STRN3: variants seen among roughly 807,000 people sequenced by gnomAD.
The protein encoded by STRN3 is striatin 3, also known as striatin-3.
In STRN3, 29 loss-of-function variants were observed where a neutral mutation model predicts 95.6. The ratio of observed to expected loss-of-function variants is 0.30; its 90% confidence interval spans 0.23 to 0.41. STRN3 has a LOEUF of 0.41. Ranked by LOEUF, STRN3 falls within the 10% of genes least tolerant of loss-of-function variation. STRN3 has a pLI of 1.00. For synonymous variants in STRN3, 331 were observed against 357.6 expected, an observed-to-expected ratio of 0.93 and a Z score of 0.84; for missense variants, 890 against 972.1, an observed-to-expected ratio of 0.92 and a Z score of 1.12.
chr14:30,955,482 A>T (rs1261888907), intron 3 of STRN3, 138 bp downstream of exon 3: 1 of 652,284 alleles, frequency 1.5e-6, no homozygotes, highest in Non-Finnish European at 2.5e-6. Context: ...TATTCATTTA[A>T]TATTTTTTCC....
chr14:30,991,181 G>A (rs1169635551), intron 1 of STRN3, among the ~76,000 whole-genome samples: 2 of 152,150 alleles, frequency 1.3e-5, no homozygotes, highest in Admixed American at 1.3e-4. Context: ...CTATTAAGAG[G>A]TCATGTGGAG....
chr14:30,929,156 A>T (rs1209163749), intron 8 of STRN3, 45 bp downstream of exon 8: 1 of 1,493,324 alleles, frequency 6.7e-7, no homozygotes, highest in Admixed American at 2.2e-5. Context: ...CTTTTTTCTC[A>T]ATTATTGGTA....
At chr14:31,000,686 T>C (rs1038674990) in intron 1 of STRN3, among the ~76,000 whole-genome samples, 1 of 152,184 alleles carries the variant, frequency 6.6e-6, no homozygotes, top group African/African-American at 2.4e-5. Flanking sequence ...CCATTCCTTA[T>C]CAATCTTCTC....
At chr14:30,895,803 C>T (rs2138926384) in intron 16 of STRN3, 55 bp from the exon 17 acceptor site, 1 of 1,450,962 alleles carries the variant, frequency 6.9e-7, no homozygotes, top group African/African-American at 1.4e-5. Flanking sequence ...TAACTCGAGA[C>T]AACAGAAACT....
intron 4 of STRN3, among the ~76,000 whole-genome samples, chr14:30,948,817 CAAG>C (rs1449338218): frequency 6.6e-6 from 1 of 152,162 alleles, no homozygotes; most frequent in East Asian, 1.9e-4. Context: ...GAATACTGTC[CAAG>C]TGATTTCTCT....
chr14:30,949,740 GC>G (rs1373594141), intron 4 of STRN3, among the ~76,000 whole-genome samples: 2 of 152,018 alleles, frequency 1.3e-5, no homozygotes, highest in Admixed American at 1.3e-4. Context: ...CCACCTGACA[GC>G]CTTCACATTT....
At chr14:30,978,976 G>A (rs911453765) in intron 1 of STRN3, among the ~76,000 whole-genome samples, 5 of 133,114 alleles carry the variant, frequency 3.8e-5, no homozygotes, top group Non-Finnish European at 6.2e-5. Flanking sequence ...AGAGGTTGAA[G>A]TGGGCCGAGA....
At chr14:30,947,627 C>G (rs1566451670) in intron 4 of STRN3, among the ~76,000 whole-genome samples, 1 of 152,052 alleles carries the variant, frequency 6.6e-6, no homozygotes, top group East Asian at 1.9e-4. Context: ...ACACAACACA[C>G]ACACATTTTT....
At chr14:30,942,633 T>C (rs1444960677) in intron 5 of STRN3, among the ~76,000 whole-genome samples, 4 of 152,198 alleles carry the variant, frequency 2.6e-5, no homozygotes, top group Non-Finnish European at 5.9e-5. Flanking sequence ...TTTTCCCAGT[T>C]ATAAGATCTA....
At chr14:30,925,312 T>C (rs1384612864) in intron 8 of STRN3, among the ~76,000 whole-genome samples, 1 of 152,086 alleles carries the variant, frequency 6.6e-6, no homozygotes, top group Non-Finnish European at 1.5e-5. Flanking sequence ...TTAGCACTTT[T>C]AACTTAGCAT....
intron 16 of STRN3, 85 bp from the exon 17 acceptor site, chr14:30,895,833 A>G: frequency 8.4e-7 from 1 of 1,194,502 alleles, no homozygotes; most frequent in East Asian, 2.5e-5. Flanking sequence ...CATCAACATA[A>G]AACAATCATT....
chr14:30,964,218 C>T (rs1446222267), intron 1 of STRN3: 1 of 152,174 alleles, frequency 6.6e-6, no homozygotes, highest in Non-Finnish European at 1.5e-5. Flanking sequence ...GAGTGAGTCT[C>T]CGTCTAAAAA....
chr14:30,972,230 C>A (rs752609132), intron 1 of STRN3, among the ~76,000 whole-genome samples: 5 of 152,204 alleles, frequency 3.3e-5, no homozygotes, highest in Admixed American at 6.5e-5. Context: ...GTTCCAATCA[C>A]TTGCTCCACC....
At chr14:30,975,878 T>C (rs908030225) in intron 1 of STRN3, among the ~76,000 whole-genome samples, 17 of 149,954 alleles carry the variant, frequency 1.1e-4, no homozygotes, top group Non-Finnish European at 2.2e-4. Flanking sequence ...GAATTAGTTG[T>C]AAATGTTTTA....
chr14:30,903,732 T>C (rs963581255), intron 15 of STRN3, among the ~76,000 whole-genome samples: 2 of 152,038 alleles, frequency 1.3e-5, no homozygotes, highest in Admixed American at 6.6e-5. Context: ...TTAATGAAAA[T>C]CAAAAGTAAA....
chr14:30,958,518 A>T (rs1880031766), intron 1 of STRN3, among the ~76,000 whole-genome samples: 1 of 152,188 alleles, frequency 6.6e-6, no homozygotes, highest in Admixed American at 6.5e-5. Flanking sequence ...TTTAAGTAAG[A>T]TTCTGACTAG....
At chr14:31,023,158 T>C (rs1007181046) in intron 1 of STRN3, among the ~76,000 whole-genome samples, 3 of 152,202 alleles carry the variant, frequency 2.0e-5, no homozygotes, top group African/African-American at 7.2e-5. Flanking sequence ...AAAGAATCAC[T>C]TGTAGAACTC....
At chr14:30,960,960 T>C (rs1316462684) in intron 1 of STRN3, among the ~76,000 whole-genome samples, 1 of 151,294 alleles carries the variant, frequency 6.6e-6, no homozygotes, top group Non-Finnish European at 1.5e-5. Context: ...TCCAGGAGGA[T>C]TACAGATCTA....
intron 8 of STRN3, among the ~76,000 whole-genome samples, chr14:30,921,889 G>A (rs1419050879): frequency 6.6e-6 from 1 of 151,942 alleles, no homozygotes; most frequent in African/African-American, 2.4e-5. Flanking sequence ...TATTATTTGT[G>A]AGACAAGGTC....
Sources: gnomAD v4.1 joint callset for allele counts (sites outside exome capture counted in the v4.1 genomes callset) on GRCh38, gnomAD v4.1.1 for gene constraint, MANE v1.5 for transcripts, NCBI Gene and HGNC (gene_info 2026-07-23, HGNC 2026-07-21) for gene names.